DGCR2: variants seen among roughly 807,000 people sequenced by gnomAD.
DGCR2 encodes the protein DiGeorge syndrome critical region gene 2, also known as integral membrane protein DGCR2/IDD.
Under a neutral mutation model 51.6 loss-of-function variants are expected in DGCR2, and 24 were observed. The observed-to-expected ratio is 0.47, with a 90% confidence interval of 0.34 to 0.65. The LOEUF (loss-of-function observed/expected upper bound fraction) is 0.65. Among genes scored for constraint, DGCR2 ranks in the 30% least tolerant of loss-of-function variants. The pLI is 0.01. For synonymous variants in DGCR2, 340 were observed against 315.4 expected (o/e 1.08, Z -0.82); for missense variants, 765 against 772.1 (o/e 0.99, Z 0.11).
At chr22:19,043,138 C>T (rs1435150622) in intron 7 of DGCR2, among the ~76,000 whole-genome samples, 2 of 152,244 alleles carry the variant, frequency 1.3e-5, no homozygotes, top group South Asian at 2.1e-4. Context: ...CCAGGCTAGA[C>T]GCCAAGGAGC....
Position 19,064,850 on chromosome 22 carries a change from G to A in DGCR2, c.546C>T (p.Arg182=). Residue 182 remains arginine, a splice_region_variant and synonymous_variant, in exon 4 of 10, where the codon CGC becomes CGT. Transcript: ENST00000263196. ...CAGGTCCCCAATCCAGGACTCACTT[G>A]CGCTGGTCCTTCCAACCAAAGCTCC... ...PERSFGWKDQ[R]KLWVGYQYVI... is the part of the protein sequence containing the mutation. 1.2e-6 allele frequency: 2 copies of A among 1,613,322 alleles called. No individual in the cohort carries two copies. Among genetic ancestry groups the A allele is most frequent in the South Asian group, 1.1e-5 (1 of 91,056 alleles).
At chr22:19,099,858 C>T (rs932328504) in intron 1 of DGCR2, among the ~76,000 whole-genome samples, 1 of 152,042 alleles carries the variant, frequency 6.6e-6, no homozygotes, top group Admixed American at 6.6e-5. Flanking sequence ...GTAATCCCAG[C>T]TACTCTGGAG....
At chr22:19,041,342 G>A (rs759443977) in intron 8 of DGCR2, 48 bp from the exon 9 acceptor site, 9 of 1,578,666 alleles carry the variant, frequency 5.7e-6, no homozygotes, top group Non-Finnish European at 7.8e-6. Context: ...GTCACTGGGG[G>A]CAGGCTGCCT....
At chr22:19,084,950 C>T (rs1424102840) in intron 2 of DGCR2, among the ~76,000 whole-genome samples, 4 of 152,050 alleles carry the variant, frequency 2.6e-5, no homozygotes, top group Non-Finnish European at 5.9e-5. Context: ...TCATTGAGAA[C>T]GGGCCATGAT....
intron 9 of DGCR2, among the ~76,000 whole-genome samples, chr22:19,040,820 G>A (rs1488352026): frequency 1.3e-5 from 2 of 152,194 alleles, no homozygotes; most frequent in East Asian, 1.9e-4. Context: ...GGAGGTAGGA[G>A]GGAGGGGTCC....
At position 19,122,234 on chromosome 22, in the gene DGCR2, G is replaced by GACTGCGTGACCCC. The variant is rs1555912438; in HGVS notation, c.-29_-28insGGGGTCACGCAGT. On this transcript the variant is annotated 5_prime_UTR_variant, in exon 1 of 10. Transcript: ENST00000263196. ...ATCCTCCGTTCATCGTCCCCGGGGCGGCTGGAAGGCCGGACCAGGCCGGAC... is the reference window on the plus strand; with the variant it reads ...ATCCTCCGTTCATCGTCCCCGGGGCGACTGCGTGACCCCGCTGGAAGGCCGGACCAGGCCGGAC... The GACTGCGTGACCCC allele has an allele frequency of 8.5e-7, 1 of 1,172,968 alleles. No homozygotes were observed. The highest frequency in any genetic ancestry group is 1.1e-6 in the Non-Finnish European group (1 of 882,974). 72.7% of individuals were successfully genotyped at this position (1,172,968 alleles called of 1,614,324 possible). A position where few individuals can be genotyped will look rare whatever the true frequency, so the allele number is the denominator to read the frequency against.
chr22:19,042,084 C>A, intron 7 of DGCR2, 125 bp from the exon 8 acceptor site: 2 of 1,137,232 alleles, frequency 1.8e-6, no homozygotes, highest in South Asian at 1.6e-5. Flanking sequence ...TCCCTGCACC[C>A]AACCATCTTT....
intron 2 of DGCR2, among the ~76,000 whole-genome samples, chr22:19,075,659 G>A (rs561856339): frequency 7.2e-5 from 11 of 152,290 alleles, no homozygotes; most frequent in African/African-American, 2.6e-4. Context: ...TATCTTGATA[G>A]CACATCTAAA....
chr22:19,081,291 C>T (rs1423781528), intron 2 of DGCR2, among the ~76,000 whole-genome samples: 1 of 152,238 alleles, frequency 6.6e-6, no homozygotes, highest in African/African-American at 2.4e-5. Flanking sequence ...TGTCTCTCCA[C>T]CAGGAACTAG....
At chr22:19,121,910 T>C (rs931924384) in intron 1 of DGCR2, 1 of 274,486 alleles carries the variant, frequency 3.6e-6, no homozygotes, top group Non-Finnish European at 6.7e-6. Context: ...GGCAACATCC[T>C]GGACAGCAGA....
intron 4 of DGCR2, 107 bp from the exon 5 acceptor site, chr22:19,063,385 G>A: frequency 3.9e-6 from 4 of 1,037,150 alleles, no homozygotes; most frequent in Admixed American, 4.0e-5. Context: ...TCTGTCACCA[G>A]GATGGAGTGC....
chr22:19,061,197 C>A, intron 5 of DGCR2: 1 of 176,656 alleles, frequency 5.7e-6, no homozygotes, highest in Non-Finnish European at 1.2e-5. Context: ...GCACCATGTC[C>A]CCAGGCAGGA....
At chr22:19,092,259 G>A (rs756882529) in intron 1 of DGCR2, among the ~76,000 whole-genome samples, 19 of 152,052 alleles carry the variant, frequency 1.2e-4, no homozygotes, top group Non-Finnish European at 2.5e-4. Context: ...CAGGAGAATC[G>A]CTTGAACCTG....
intron 1 of DGCR2, among the ~76,000 whole-genome samples, chr22:19,093,560 T>C (rs948710411): frequency 6.6e-6 from 1 of 152,170 alleles, no homozygotes; most frequent in Non-Finnish European, 1.5e-5. Context: ...CTTTTGTTTT[T>C]CAAAAGACAT....
intron 2 of DGCR2, among the ~76,000 whole-genome samples, chr22:19,084,858 G>A (rs1174348884): frequency 3.4e-5 from 5 of 145,802 alleles, no homozygotes; most frequent in Admixed American, 6.8e-5. Context: ...GGTGGGGGGC[G>A]CCTCTGCCCA....
rs539556512 is a variant in DGCR2, at chr22:19,041,424, C to A, written c.1160-130G>T. 14 of 875,836 alleles carry A rather than the reference C, an allele frequency of 1.6e-5. No individual in the cohort carries two copies. The South Asian group carries it at 2.1e-4, about 13-fold the overall frequency. The allele number at this position is 875,836 out of a possible 1,614,324, so 54.3% of individuals were successfully genotyped here. A position where few individuals can be genotyped will look rare whatever the true frequency, so the allele number is the denominator to read the frequency against. ...GCACACACCTGTGCCCCGCTGCCTA[C>A]CCCTCGGCCACATTCGGCATCCCCA... On this transcript the variant is annotated intron_variant, in intron 8 of 9. Transcript: ENST00000263196.
intron 2 of DGCR2, among the ~76,000 whole-genome samples, chr22:19,074,426 A>C (rs1027933721): frequency 6.6e-6 from 1 of 151,986 alleles, no homozygotes; most frequent in South Asian, 2.1e-4. Context: ...AAAAAAAAAA[A>C]AAAGTGAAAA....
intron 1 of DGCR2, among the ~76,000 whole-genome samples, chr22:19,109,776 T>TA (rs1204283844): frequency 6.6e-6 from 1 of 152,174 alleles, no homozygotes; most frequent in African/African-American, 2.4e-5. Context: ...GATGGCATAT[T>TA]TTACGTTATT....
At chr22:19,059,876 G>T (rs1000388446) in intron 5 of DGCR2, among the ~76,000 whole-genome samples, 11 of 152,130 alleles carry the variant, frequency 7.2e-5, no homozygotes, top group African/African-American at 2.7e-4. Flanking sequence ...CGCCGAGCCT[G>T]GAGAACCCTC....
Sources: gnomAD v4.1 joint callset for allele counts (sites outside exome capture counted in the v4.1 genomes callset) on GRCh38, gnomAD v4.1.1 for gene constraint, MANE v1.5 for transcripts, NCBI Gene and HGNC (gene_info 2026-07-23, HGNC 2026-07-21) for gene names.